Variants in RPS6KC1 observed in about 807,000 individuals in gnomAD.
RPS6KC1 encodes inactive ribosomal protein S6 kinase delta-1.
In RPS6KC1, 54 loss-of-function variants were observed where a neutral mutation model predicts 103.8. The ratio of observed to expected loss-of-function variants is 0.52; its 90% CI spans 0.42 to 0.65. The LOEUF (loss-of-function observed/expected upper bound fraction) is 0.65, where lower values mean the gene tolerates loss of function less well. Ranked by LOEUF, RPS6KC1 falls within the 30% of genes least tolerant of loss-of-function variation. RPS6KC1 has a pLI of 0.00. For missense variants in RPS6KC1, 1,151 were observed against 1,253.8 expected (o/e 0.92, Z 1.24); for synonymous variants, 439 against 438.7 (o/e 1.00, Z -0.01).
At chr1:213,246,325 A>T (rs2094453725) in intron 12 of RPS6KC1, among the ~76,000 whole-genome samples, 1 of 152,218 alleles carries the variant, frequency 6.6e-6, no homozygotes, top group South Asian at 2.1e-4. Context: ...CAAAAGAAAT[A>T]GTCCACAAAG....
At chr1:213,612,387 A>G in the RPS6KC1 span, among the ~76,000 whole-genome samples, 1 of 152,318 alleles carries the variant, frequency 6.6e-6, no homozygotes, top group African/African-American at 2.4e-5. Context: ...AGGACTTTAG[A>G]AATTTTGAGA....
At chr1:213,121,991 C>T (rs552932035) in intron 5 of RPS6KC1, among the ~76,000 whole-genome samples, 3 of 152,164 alleles carry the variant, frequency 2.0e-5, no homozygotes, top group African/African-American at 7.2e-5. Flanking sequence ...TGTAGAGACA[C>T]GAAAGGATCT....
At chr1:213,687,131 C>G in the RPS6KC1 span, among the ~76,000 whole-genome samples, 10 of 152,154 alleles carry the variant, frequency 6.6e-5, no homozygotes, top group Non-Finnish European at 1.5e-5. Flanking sequence ...ATCAACGAAG[C>G]CTTTGTGACC....
intron 6 of RPS6KC1, among the ~76,000 whole-genome samples, chr1:213,163,821 A>C (rs1357153506): frequency 6.6e-6 from 1 of 152,154 alleles, no homozygotes; most frequent in Admixed American, 6.5e-5. Context: ...TTGTAGCTCC[A>C]GTTTTCCTGT....
intron 8 of RPS6KC1, among the ~76,000 whole-genome samples, chr1:213,190,448 C>A (rs2092707319): frequency 6.6e-6 from 1 of 152,096 alleles, no homozygotes; most frequent in South Asian, 2.1e-4. Context: ...ATTTTTATGT[C>A]TTCTTTTTAG....
chr1:213,373,985 G>T, the RPS6KC1 span, among the ~76,000 whole-genome samples: 1 of 152,166 alleles, frequency 6.6e-6, no homozygotes, highest in Non-Finnish European at 1.5e-5. Flanking sequence ...GAGGTAATCT[G>T]TAGTATTCCT....
At chr1:213,707,300 T>G in the RPS6KC1 span, among the ~76,000 whole-genome samples, 1 of 151,966 alleles carries the variant, frequency 6.6e-6, no homozygotes, top group Non-Finnish European at 1.5e-5. Flanking sequence ...TAATGAACAG[T>G]GATGATGAGC....
the RPS6KC1 span, among the ~76,000 whole-genome samples, chr1:213,306,352 A>G: frequency 6.6e-6 from 1 of 152,224 alleles, no homozygotes; most frequent in African/African-American, 2.4e-5. Context: ...AAAAACCCTT[A>G]AAATATATTC....
In RPS6KC1 at chr1:213,129,680, C is replaced by T. The variant is rs751357136; in HGVS notation, c.626C>T (p.Ser209Phe). Residue 209 changes from serine to phenylalanine, a missense_variant, in exon 6 of 15, where the codon TCT (serine) becomes TTT (phenylalanine). By Grantham distance (155) the Ser-to-Phe change is radical (BLOSUM62 -2). Around this residue, in one of 3 missense-constraint regions of RPS6KC1, gnomAD observed 959 missense variants for 1,006.3 expected, o/e 0.95. Coordinates refer to ENST00000366960, the MANE Select transcript of RPS6KC1 (RefSeq NM_012424.6). ...SDSSALGAVA[S>F]DSEQSKTEEE... is the part of the protein sequence containing the mutation. ...TCTTCAGCACTAGGGGCTGTTGCTT[C>T]TGACAGTGAACAGAGCAAAACAGAA... is the stretch of plus-strand genomic sequence containing the variant. 8.7e-6 allele frequency: 14 copies of T among 1,613,924 alleles called. No individual in the cohort carries two copies. In the African/African-American group the frequency reaches 1.6e-4, roughly 18 times the overall value.
the RPS6KC1 span, among the ~76,000 whole-genome samples, chr1:213,838,248 T>C: frequency 1.3e-5 from 2 of 152,186 alleles, no homozygotes; most frequent in South Asian, 4.1e-4. Flanking sequence ...ACCTCAGTAT[T>C]TTTTTGAAGT....
the RPS6KC1 span, among the ~76,000 whole-genome samples, chr1:213,479,956 T>C: frequency 6.6e-6 from 1 of 152,032 alleles, no homozygotes; most frequent in Non-Finnish European, 1.5e-5. Flanking sequence ...TCCTAATTTA[T>C]TCCATTGATT....
the RPS6KC1 span, among the ~76,000 whole-genome samples, chr1:213,589,941 GTGTGTGTGTGTGTGTGTGTGTGT>G: frequency 1.3e-5 from 1 of 75,408 alleles, no homozygotes; most frequent in African/African-American, 4.1e-5. Context: ...AGGTAGTGGT[GTGTGTGTGTGTGTGTGTGTGTGT>G]GTGTGTGTGT....
the RPS6KC1 span, among the ~76,000 whole-genome samples, chr1:213,398,349 A>G: frequency 2.6e-5 from 4 of 152,074 alleles, no homozygotes; most frequent in African/African-American, 9.6e-5. Context: ...GCCTGGCCTC[A>G]TCAGCTTTGA....
At chr1:213,321,528 T>G in the RPS6KC1 span, among the ~76,000 whole-genome samples, 3 of 152,228 alleles carry the variant, frequency 2.0e-5, no homozygotes, top group African/African-American at 7.2e-5. Context: ...ATATTAGTAT[T>G]GCTCCTGTAG....
At chr1:213,636,495 A>G in the RPS6KC1 span, among the ~76,000 whole-genome samples, 1 of 152,200 alleles carries the variant, frequency 6.6e-6, no homozygotes, top group Admixed American at 6.5e-5. Flanking sequence ...TGACAATCTG[A>G]CAAAAACAAG....
intron 6 of RPS6KC1, among the ~76,000 whole-genome samples, chr1:213,152,173 G>T (rs1430511989): frequency 7.0e-6 from 1 of 143,512 alleles, no homozygotes; most frequent in Non-Finnish European, 1.5e-5. Flanking sequence ...CAGCTGGCCG[G>T]GCGGGGGGCT....
chr1:213,334,204 A>T, the RPS6KC1 span, among the ~76,000 whole-genome samples: 7 of 152,214 alleles, frequency 4.6e-5, no homozygotes, highest in Admixed American at 6.5e-5. Context: ...CATAAAGTAC[A>T]GTCTATCATC....
chr1:213,137,789 A>T (rs1377250660), intron 6 of RPS6KC1, among the ~76,000 whole-genome samples: 2 of 25,496 alleles, frequency 7.8e-5, no homozygotes, highest in Admixed American at 5.4e-4. Context: ...ATATATATAT[A>T]TATATATATA....
chr1:213,619,790 T>C, the RPS6KC1 span, among the ~76,000 whole-genome samples: 17 of 152,130 alleles, frequency 1.1e-4, no homozygotes, highest in African/African-American at 3.9e-4. Context: ...ATATATGCAA[T>C]TGACATTTGA....
Sources: allele counts gnomAD v4.1 joint callset (sites outside exome capture counted in the v4.1 genomes callset), GRCh38; gene constraint gnomAD v4.1.1; regional missense constraint gnomAD v4.1.1; transcripts MANE v1.5; gene names NCBI Gene and HGNC (gene_info 2026-07-23, HGNC 2026-07-21).